ZC3H12B: variants seen among roughly 807,000 people sequenced by gnomAD.
The protein encoded by ZC3H12B is zinc finger CCCH-type containing 12B.
ZC3H12B carries 7 observed loss-of-function variants against 43.9 expected under a neutral mutation model. The observed-to-expected ratio is 0.16, with a 90% CI of 0.09 to 0.30. The LOEUF is 0.30. Among genes scored for constraint, ZC3H12B ranks in the 10% least tolerant of loss-of-function variants. ZC3H12B has a pLI of 1.00. For missense variants in ZC3H12B, 475 were observed against 670.2 expected, an observed-to-expected ratio of 0.71 and a Z score of 3.22; for synonymous variants, 222 against 241.7, an observed-to-expected ratio of 0.92 and a Z score of 0.76.
At chrX:65,441,316 G>A (rs1452531499) in intron 3 of ZC3H12B, among the ~76,000 whole-genome samples, 1 of 112,217 alleles carries the variant, frequency 8.9e-6, no homozygotes, top group Admixed American at 9.5e-5. Context: ...GTTAAATTGA[G>A]CGAGATGAAT....
the ZC3H12B span, among the ~76,000 whole-genome samples, chrX:65,343,680 A>AATAATGAGCCATTT: frequency 8.9e-6 from 1 of 112,298 alleles, no homozygotes; most frequent in African/African-American, 3.2e-5. Flanking sequence ...CATACATGAA[A>AATAATGAGCCATTT]ATAATGAGCC....
the ZC3H12B span, among the ~76,000 whole-genome samples, chrX:65,107,771 C>T: frequency 9.0e-6 from 1 of 111,005 alleles, no homozygotes; most frequent in Non-Finnish European, 1.9e-5. Context: ...ACATGTTTGC[C>T]TCCTTTTCCA....
the ZC3H12B span, among the ~76,000 whole-genome samples, chrX:65,200,639 T>C: frequency 9.2e-6 from 1 of 108,876 alleles, no homozygotes; most frequent in African/African-American, 3.3e-5. Flanking sequence ...ATTCACCATA[T>C]TGGCCAGTCT....
At chrX:65,211,632 A>G in the ZC3H12B span, among the ~76,000 whole-genome samples, 2 of 94,331 alleles carry the variant, frequency 2.1e-5, no homozygotes, top group East Asian at 3.2e-4. Context: ...ACAACTTAAA[A>G]TTATAATTAT....
At chrX:65,416,145 G>T (rs1336342819) in intron 3 of ZC3H12B, among the ~76,000 whole-genome samples, 1 of 111,857 alleles carries the variant, frequency 8.9e-6, no homozygotes, top group African/African-American at 3.2e-5. Flanking sequence ...TATAAGATAC[G>T]ATCTTAGCCC....
At chrX:65,375,332 G>C (rs1044383441) in intron 2 of ZC3H12B, among the ~76,000 whole-genome samples, 3 of 111,699 alleles carry the variant, frequency 2.7e-5, no homozygotes, top group Non-Finnish European at 5.6e-5. Context: ...AAAGTGTTTT[G>C]GGGTTCTAAA....
chrX:65,250,381 G>A, the ZC3H12B span, among the ~76,000 whole-genome samples: 1 of 111,765 alleles, frequency 8.9e-6, no homozygotes, highest in Non-Finnish European at 1.9e-5. Flanking sequence ...ATTGTGAATA[G>A]TGCCACAATA....
At chrX:65,329,390 G>A in the ZC3H12B span, among the ~76,000 whole-genome samples, 1 of 109,336 alleles carries the variant, frequency 9.1e-6, no homozygotes, top group African/African-American at 3.5e-5. Context: ...ACTTTTTGAT[G>A]GGGTTGTTTG....
chrX:65,106,481 CAA>C, the ZC3H12B span, among the ~76,000 whole-genome samples: 1 of 111,059 alleles, frequency 9.0e-6, no homozygotes, highest in East Asian at 2.8e-4. Flanking sequence ...TTGAAGAAGA[CAA>C]GATCAGAGGA....
chrX:65,239,925 G>A, the ZC3H12B span, among the ~76,000 whole-genome samples: 2 of 110,911 alleles, frequency 1.8e-5, no homozygotes, highest in Non-Finnish European at 3.8e-5. Flanking sequence ...TTGCTTGCAG[G>A]GTTTCCACTG....
chrX:65,067,724 T>C, the ZC3H12B span, among the ~76,000 whole-genome samples: 1 of 111,954 alleles, frequency 8.9e-6, no homozygotes, highest in East Asian at 2.8e-4. Flanking sequence ...TTTTTTTTAT[T>C]TCAATTGCAT....
intron 3 of ZC3H12B, among the ~76,000 whole-genome samples, chrX:65,459,960 C>A (rs2067710159): frequency 8.9e-6 from 1 of 111,745 alleles, no homozygotes; most frequent in Non-Finnish European, 1.9e-5. Context: ...TAGAAAACTC[C>A]ATCATCTCAG....
At chrX:65,073,991 C>G in the ZC3H12B span, among the ~76,000 whole-genome samples, 3 of 112,019 alleles carry the variant, frequency 2.7e-5, no homozygotes, top group Admixed American at 2.8e-4. Context: ...GCTGGTTCAC[C>G]TGGATGCATC....
chrX:65,473,940 C>A (rs756182331), intron 3 of ZC3H12B, among the ~76,000 whole-genome samples: 1 of 111,836 alleles, frequency 8.9e-6, no homozygotes, highest in African/African-American at 3.2e-5. Flanking sequence ...AATGTGTATT[C>A]TTCTGCTGTT....
chrX:65,271,043 A>T, the ZC3H12B span: 1 of 112,848 alleles, frequency 8.9e-6, no homozygotes, highest in African/African-American at 3.2e-5. Flanking sequence ...GGAAAGGATA[A>T]AAAAGTAAAA....
the ZC3H12B span, among the ~76,000 whole-genome samples, chrX:65,151,931 G>A: frequency 6.3e-5 from 7 of 111,545 alleles, no homozygotes; most frequent in African/African-American, 9.8e-5. Context: ...TTCAATATAC[G>A]CAAATCAATA....
the ZC3H12B span, among the ~76,000 whole-genome samples, chrX:65,055,299 C>T: frequency 3.6e-5 from 4 of 111,431 alleles, no homozygotes; most frequent in African/African-American, 1.3e-4. Context: ...GCATAAAGGG[C>T]TGTTGAATTT....
At chrX:65,356,273 G>A in the ZC3H12B span, among the ~76,000 whole-genome samples, 1 of 111,830 alleles carries the variant, frequency 8.9e-6, no homozygotes, top group African/African-American at 3.3e-5. Context: ...TGTTTAAAGA[G>A]CTTTTCCTGG....
chrX:65,158,755 G>A, the ZC3H12B span, among the ~76,000 whole-genome samples: 9 of 111,605 alleles, frequency 8.1e-5, no homozygotes, highest in South Asian at 3.7e-4. Context: ...TTCTTTTGCT[G>A]TGCAGAAGCT....
Sources: gnomAD v4.1 joint callset for allele counts (sites outside exome capture counted in the v4.1 genomes callset) on GRCh38, gnomAD v4.1.1 for gene constraint, MANE v1.5 for transcripts, NCBI Gene and HGNC (gene_info 2026-07-23, HGNC 2026-07-21) for gene names.